Variants in UPF2 observed in about 807,000 individuals in gnomAD.
The protein encoded by UPF2 is regulator of nonsense transcripts 2.
A neutral mutation model predicts 141.4 loss-of-function variants in UPF2; 17 were observed. That is an observed-to-expected ratio of 0.12 (90% CI 0.08 to 0.18). The LOEUF (loss-of-function observed/expected upper bound fraction) is 0.18. UPF2 is among the 10% of genes least tolerant of loss of function. The probability of loss-of-function intolerance (pLI) is 1.00; values close to 1 mark genes in which losing one functional copy is unlikely to be tolerated. For synonymous variants in UPF2, 540 were observed against 498.0 expected, an observed-to-expected ratio of 1.08 and a Z score of -1.12; for missense variants, 1,152 against 1,515.9, an observed-to-expected ratio of 0.76 and a Z score of 3.99.
intron 8 of UPF2, among the ~76,000 whole-genome samples, chr10:11,994,485 T>C (rs1833833159): frequency 2.0e-5 from 3 of 152,246 alleles, no homozygotes; most frequent in South Asian, 4.1e-4. Flanking sequence ...GGAGTGGAAA[T>C]TGGGTAGATG....
chr10:11,977,435 C>T (rs1334843819), intron 9 of UPF2, among the ~76,000 whole-genome samples: 1 of 152,148 alleles, frequency 6.6e-6, no homozygotes, highest in African/African-American at 2.4e-5. Flanking sequence ...TGTAATGAAG[C>T]ATTGCAATAG....
chr10:11,984,245 T>C (rs909202644), intron 8 of UPF2, among the ~76,000 whole-genome samples: 3 of 152,180 alleles, frequency 2.0e-5, no homozygotes, highest in African/African-American at 7.2e-5. Context: ...AACGCTTTCT[T>C]CCATGATTAC....
At position 11,956,546 on chromosome 10, in the gene UPF2, A is replaced by C. The variant is rs745557132; in HGVS notation, c.2371-23T>G. 1 of 1,609,064 alleles carries C rather than the reference A, an allele frequency of 6.2e-7. No individual in the cohort carries two copies. Among genetic ancestry groups the C allele is most frequent in the Non-Finnish European group, 8.5e-7 (1 of 1,178,408 alleles). On this transcript the variant is annotated intron_variant, in intron 12 of 21. Coordinates refer to ENST00000357604, the MANE Select transcript of UPF2 (RefSeq NM_015542.4). This position sits in a 1 kb window ranked among gnomAD's most constrained non-coding sequence, Gnocchi z 4.2. The stretch of plus-strand genomic sequence containing the variant: ...AACCTAAAAAAAGAGAATTTTGTTC[A>C]AATTATTAAGATAAGTACACAGTAG...
intron 8 of UPF2, among the ~76,000 whole-genome samples, chr10:11,988,794 C>T (rs958386330): frequency 1.3e-5 from 2 of 152,192 alleles, no homozygotes; most frequent in Admixed American, 6.6e-5. Context: ...TGCCTGCTTA[C>T]TCTACACTCA....
intron 3 of UPF2, among the ~76,000 whole-genome samples, chr10:12,021,227 AG>A (rs1302520186): frequency 2.0e-5 from 3 of 152,192 alleles, no homozygotes; most frequent in Non-Finnish European, 1.5e-5. Context: ...AGGTACTGTT[AG>A]GATCAATTAA....
rs1234631501 is a variant in UPF2, at chr10:11,952,247, A to G, written c.2853T>C (p.Arg951=). The G allele has an allele frequency of 1.3e-6, 2 of 1,578,242 alleles. No homozygotes were observed. The highest frequency in any genetic ancestry group is 4.5e-5 in the East Asian group (2 of 44,522). ...KLDCFLVYFQ[R]YVWWKKSLEV... ...CCAAACTTTTCTTCCACCAAACATA[A>G]CGCTGATAACAAATGAAAAATAAAT... Residue 951 remains arginine (R), a splice_region_variant and synonymous_variant, in exon 15 of 22, where the codon CGT becomes CGC. Coordinates refer to ENST00000357604, the MANE Select transcript of UPF2 (RefSeq NM_015542.4).
chr10:12,024,249 G>A (rs547005229), intron 3 of UPF2, among the ~76,000 whole-genome samples: 3 of 152,000 alleles, frequency 2.0e-5, no homozygotes, highest in Non-Finnish European at 4.4e-5. Flanking sequence ...CTTGAACCCA[G>A]GAGTTCGAGG....
At chr10:12,013,359 T>G (rs1834165041) in intron 4 of UPF2, among the ~76,000 whole-genome samples, 1 of 150,584 alleles carries the variant, frequency 6.6e-6, no homozygotes, top group African/African-American at 2.4e-5. Context: ...TCACTGCAAC[T>G]TCTGCCTGCC....
Position 11,950,002 on chromosome 10 carries a change from A to G in UPF2, c.3035-1494T>C, listed in dbSNP as rs142798611. On this transcript the variant is annotated intron_variant, in intron 15 of 21. Transcript: ENST00000357604. ...GCTTTAAGAGAATATGTGTAATGTC[A>G]AGAAAAAATTTCATAATGTATTAAG... Among the ~76,000 whole-genome samples, 127 of 152,298 alleles carry G rather than the reference A, an allele frequency of 8.3e-4. 1 individual carries two copies. The highest frequency in any genetic ancestry group is 2.9e-3 in the African/African-American group (122 of 41,584).
chr10:11,927,989 T>C (rs576612581), intron 21 of UPF2, among the ~76,000 whole-genome samples: 6 of 152,220 alleles, frequency 3.9e-5, no homozygotes, highest in African/African-American at 1.4e-4. Context: ...AACAACAAAG[T>C]GACATCTTGG....
At chr10:11,989,785 G>A (rs187998088) in intron 8 of UPF2, among the ~76,000 whole-genome samples, 18 of 152,106 alleles carry the variant, frequency 1.2e-4, no homozygotes, top group Non-Finnish European at 2.2e-4. Context: ...GAGTTCACAC[G>A]CTTGTCTCCC....
chr10:12,002,096 C>A (rs185451339), intron 5 of UPF2, among the ~76,000 whole-genome samples: 1 of 152,028 alleles, frequency 6.6e-6, no homozygotes, highest in African/African-American at 2.4e-5. Flanking sequence ...CATGGTGAAA[C>A]CCCATCTCTA....
In UPF2 at chr10:11,992,015, G is replaced by A. The variant is rs1297867168; in HGVS notation, c.1844+5657C>T. 6.8e-5 allele frequency among the ~76,000 whole-genome samples: 10 copies of A among 147,048 alleles called. No individual in the cohort carries two copies. The highest frequency in any genetic ancestry group is 7.4e-5 in the African/African-American group (3 of 40,592). ...ACAAAAATTAGCTGGGCGTGGTGGC[G>A]GGCGCCTGTAATCCCAGCTACTCAG... is the stretch of plus-strand genomic sequence containing the variant. On this transcript the variant is annotated intron_variant, in intron 8 of 21. Transcript: ENST00000357604. The surrounding 1 kb of genome is among the most constrained non-coding windows in gnomAD (Gnocchi z 4.1).
chr10:11,979,057 A>G lies in UPF2; in HGVS notation c.1953T>C (p.His651=). Residue 651 remains histidine (H), a splice_region_variant and synonymous_variant, in exon 9 of 22, where the codon CAT becomes CAC. Transcript: ENST00000357604. This position sits in a 1 kb window ranked among gnomAD's most constrained non-coding sequence, Gnocchi z 6.2. ...TCAAAATAAATGCTTAAATACATAC[A>G]TGAAATCTGAAATCCCCCCTCAGCA... ...CSMLRGDFRF[H]VRKKDQINIE... 5.6e-6 allele frequency: 9 copies of G among 1,607,802 alleles called. No homozygotes were observed. Among genetic ancestry groups the G allele is most frequent in the Non-Finnish European group, 7.7e-6 (9 of 1,174,548 alleles).
At chr10:11,950,329 A>G (rs1267077591) in intron 15 of UPF2, among the ~76,000 whole-genome samples, 1 of 152,228 alleles carries the variant, frequency 6.6e-6, no homozygotes, top group African/African-American at 2.4e-5. Flanking sequence ...CCAAAGGCAC[A>G]ATACTGTATT....
chr10:11,975,737 G>A lies in UPF2; in HGVS notation c.1953+3320C>T, dbSNP rs186322238. On this transcript the variant is annotated intron_variant, in intron 9 of 21. Transcript: ENST00000357604. ...TCTCCATGTTGGTCAGGCTGGTCTC[G>A]AACTCCCAACCTCCGGTAATCCACC... Among the ~76,000 whole-genome samples, 963 of 150,938 alleles carry A rather than the reference G, an allele frequency of 6.4e-3. 9 individuals are homozygous for A. Among genetic ancestry groups the A allele is most frequent in the Non-Finnish European group, 0.01 (708 of 67,804 alleles).
At chr10:11,941,562 T>C (rs2131169415) in intron 18 of UPF2, among the ~76,000 whole-genome samples, 1 of 152,002 alleles carries the variant, frequency 6.6e-6, no homozygotes, top group Non-Finnish European at 1.5e-5. Context: ...ATCTTCTACC[T>C]TTAAAAAAAA....
intron 3 of UPF2, among the ~76,000 whole-genome samples, chr10:12,027,805 T>C (rs1834447311): frequency 6.6e-6 from 1 of 152,216 alleles, no homozygotes; most frequent in Admixed American, 6.5e-5. Context: ...TAGTGGTAAC[T>C]ACTTAAACCA....
At chr10:11,995,601 G>C (rs966611639) in intron 8 of UPF2, among the ~76,000 whole-genome samples, 2 of 152,058 alleles carry the variant, frequency 1.3e-5, no homozygotes, top group Non-Finnish European at 2.9e-5. Context: ...TGGCCAACAG[G>C]GTGAAACCCC....
Sources: allele counts gnomAD v4.1 joint callset (sites outside exome capture counted in the v4.1 genomes callset), GRCh38; gene constraint gnomAD v4.1.1; non-coding constraint Gnocchi (gnomAD v3.1); transcripts MANE v1.5; gene names NCBI Gene and HGNC (gene_info 2026-07-23, HGNC 2026-07-21).